The following LRIG1 variants were observed in gnomAD, a reference collection of about 807,000 sequenced individuals.
LRIG1 encodes leucine rich repeats and immunoglobulin like domains 1, also known as leucine-rich repeats and immunoglobulin-like domains protein 1.
In LRIG1, 48 loss-of-function variants were observed where a neutral mutation model predicts 99.2. That is an observed-to-expected ratio of 0.48 (90% CI 0.38 to 0.62). The LOEUF is 0.62. LRIG1 is among the 20% of genes least tolerant of loss of function. The pLI is 0.00. For synonymous variants in LRIG1, 772 were observed against 596.1 expected (o/e 1.29, Z -4.30); for missense variants, 1,646 against 1,434.4 (o/e 1.15, Z -2.38).
At chr3:66,397,981 T>C in intron 11 of LRIG1, 131 bp downstream of exon 11, 1 of 695,544 alleles carries the variant, frequency 1.4e-6, no homozygotes, top group Non-Finnish European at 2.5e-6. Context: ...TGACAGAGAC[T>C]CTGTGGCCCA....
intron 9 of LRIG1, among the ~76,000 whole-genome samples, chr3:66,399,766 TCAAA>T (rs1414415430): frequency 6.6e-6 from 1 of 152,104 alleles, no homozygotes; most frequent in Non-Finnish European, 1.5e-5. Context: ...GGATGTTGTC[TCAAA>T]CAAAAAACAA....
chr3:66,428,125 G>A (rs1703041958), intron 3 of LRIG1, among the ~76,000 whole-genome samples: 1 of 152,182 alleles, frequency 6.6e-6, no homozygotes, highest in Admixed American at 6.5e-5. Context: ...GCTTTCTGGT[G>A]CATGTCTGCA....
At chr3:66,441,930 T>C (rs1703554784) in intron 3 of LRIG1, among the ~76,000 whole-genome samples, 1 of 152,194 alleles carries the variant, frequency 6.6e-6, no homozygotes, top group East Asian at 1.9e-4. Flanking sequence ...GCTTAACAGA[T>C]CCTGTGTCTC....
rs140679508 is a variant in LRIG1 at position 66,473,681 on chromosome 3, G to A, written c.219-11172C>T. ...ATTAAATCAGCCAAATTAGAAAAGC[G>A]AATTTACCCACAACTTTTCAAGAAT... On this transcript the variant is annotated intron_variant, in intron 1 of 18. Coordinates refer to ENST00000273261, the MANE Select transcript of LRIG1 (RefSeq NM_015541.3). Among the ~76,000 whole-genome samples, 755 of 152,290 alleles carry A rather than the reference G, an allele frequency of 5.0e-3. 3 individuals carry two copies. Among genetic ancestry groups the A allele is most frequent in the African/African-American group, 0.017 (705 of 41,564 alleles).
In LRIG1 at chr3:66,382,030, T is replaced by G. The variant is rs567039898; in HGVS notation, c.2617+243A>C. On this transcript the variant is annotated intron_variant, in intron 16 of 18. Transcript: ENST00000273261. Reference sequence around the variant, plus strand: ...AGCTGCTACTCCAGGCAAGCCTACTTTATCCTGCCAGGGAGATGCTAAGCC... The same window carrying G: ...AGCTGCTACTCCAGGCAAGCCTACTGTATCCTGCCAGGGAGATGCTAAGCC... Among the ~76,000 whole-genome samples the G allele has an allele frequency of 2.0e-5, 3 of 152,318 alleles. No homozygotes were observed. In the East Asian group the frequency reaches 5.8e-4, roughly 29 times the overall value.
At chr3:66,473,650 C>A (rs779639654) in intron 1 of LRIG1, among the ~76,000 whole-genome samples, 5 of 152,188 alleles carry the variant, frequency 3.3e-5, no homozygotes, top group Admixed American at 6.5e-5. Context: ...ACAGCAGATC[C>A]CTGGTATTAA....
At chr3:66,387,302 T>C (rs983397779) in intron 12 of LRIG1, 7 of 151,924 alleles carry the variant, frequency 4.6e-5, no homozygotes, top group African/African-American at 2.4e-5. Context: ...TGCAAGGCCA[T>C]GTGCACACCC....
intron 3 of LRIG1, among the ~76,000 whole-genome samples, chr3:66,437,035 T>C (rs1450821463): frequency 4.6e-5 from 7 of 152,236 alleles, no homozygotes; most frequent in Admixed American, 3.3e-4. Flanking sequence ...TGCCATCTAC[T>C]GGCACCTCTA....
chr3:66,469,806 C>T (rs934579327), intron 1 of LRIG1, among the ~76,000 whole-genome samples: 9 of 151,344 alleles, frequency 5.9e-5, no homozygotes, highest in African/African-American at 1.5e-4. Flanking sequence ...TGGTGGTTCA[C>T]GCCTATAAAT....
intron 3 of LRIG1, among the ~76,000 whole-genome samples, chr3:66,440,178 A>G (rs1027241033): frequency 2.6e-5 from 4 of 152,024 alleles, no homozygotes; most frequent in Admixed American, 2.0e-4. Context: ...TGACCTGGAG[A>G]GCTTTTTTAA....
intron 2 of LRIG1, among the ~76,000 whole-genome samples, chr3:66,455,485 A>G (rs542450653): frequency 1.2e-4 from 19 of 152,282 alleles, no homozygotes; most frequent in African/African-American, 2.2e-4. Flanking sequence ...CTTTAGTAAT[A>G]TATCTTGGAG....
Position 66,383,172 on chromosome 3 carries a change from G to A in LRIG1, c.2301C>T (p.Asn767=). 6.2e-7 allele frequency: 1 copy of A among 1,614,246 alleles called. No homozygotes were observed. The highest frequency in any genetic ancestry group is 2.2e-5 in the East Asian group (1 of 44,872). Residue 767 remains asparagine (N), a synonymous_variant, in exon 15 of 19, where the codon AAC becomes AAT. Transcript: ENST00000273261. ...TGTGAGCTCGCTCCGTGCCCAGGGTGTTGGACATCTCACAGGTATATCGGC... is the reference window on the plus strand; with the variant it reads ...TGTGAGCTCGCTCCGTGCCCAGGGTATTGGACATCTCACAGGTATATCGGC... ...DAGRYTCEMS[N]TLGTERAHSQ...
chr3:66,479,805 G>A (rs956766124), intron 1 of LRIG1, among the ~76,000 whole-genome samples: 2 of 152,210 alleles, frequency 1.3e-5, no homozygotes, highest in African/African-American at 2.4e-5. Flanking sequence ...GCAAGTGCTG[G>A]TGAGGTAGTG....
intron 1 of LRIG1, among the ~76,000 whole-genome samples, chr3:66,477,020 A>C (rs1302673607): frequency 1.3e-5 from 2 of 152,196 alleles, no homozygotes; most frequent in East Asian, 3.8e-4. Flanking sequence ...ACGTCTGTTG[A>C]GTGAGAGCAG....
intron 11 of LRIG1, among the ~76,000 whole-genome samples, chr3:66,396,277 C>T (rs1316135686): frequency 1.3e-5 from 2 of 152,188 alleles, no homozygotes; most frequent in African/African-American, 2.4e-5. Context: ...GGATTCCAAC[C>T]CCTAGGCTCT....
intron 1 of LRIG1, among the ~76,000 whole-genome samples, chr3:66,467,702 T>C (rs187943240): frequency 3.2e-4 from 48 of 152,380 alleles, no homozygotes. Flanking sequence ...ACCACGTGGC[T>C]AGTGGCTATC....
intron 2 of LRIG1, among the ~76,000 whole-genome samples, chr3:66,455,009 A>C (rs1476311030): frequency 6.6e-6 from 1 of 152,140 alleles, no homozygotes; most frequent in Non-Finnish European, 1.5e-5. Context: ...CATTGGCATG[A>C]TCTCGGCTCA....
At chr3:66,471,588 C>T (rs911398051) in intron 1 of LRIG1, among the ~76,000 whole-genome samples, 1 of 152,134 alleles carries the variant, frequency 6.6e-6, no homozygotes, top group Non-Finnish European at 1.5e-5. Context: ...GAGGGCATGG[C>T]GGGGATGAAG....
intron 2 of LRIG1, among the ~76,000 whole-genome samples, chr3:66,454,474 C>T (rs767567556): frequency 3.3e-5 from 5 of 152,144 alleles, no homozygotes; most frequent in Admixed American, 6.5e-5. Context: ...TAAATATCTA[C>T]GATTGTACAG....
Sources: allele counts gnomAD v4.1 joint callset (sites outside exome capture counted in the v4.1 genomes callset), GRCh38; gene constraint gnomAD v4.1.1; transcripts MANE v1.5; gene names NCBI Gene and HGNC (gene_info 2026-07-23, HGNC 2026-07-21).